CDH23: variants seen among roughly 807,000 people sequenced by gnomAD.
CDH23 encodes cadherin related 23.
A neutral mutation model predicts 317.1 loss-of-function variants in CDH23; 189 were observed. The ratio of observed to expected loss-of-function variants is 0.60; its 90% CI spans 0.53 to 0.67. CDH23 has a LOEUF of 0.67. Among genes scored for constraint, CDH23 ranks in the 30% least tolerant of loss-of-function variants. The pLI is 0.00. For missense variants in CDH23, 4,401 were observed against 4,592.4 expected (o/e 0.96, Z 1.20); for synonymous variants, 1,839 against 1,876.8 (o/e 0.98, Z 0.52).
chr10:71,621,600 G>T (rs1029664094), intron 11 of CDH23, among the ~76,000 whole-genome samples: 3 of 152,224 alleles, frequency 2.0e-5, no homozygotes, highest in Non-Finnish European at 2.9e-5. Flanking sequence ...AGTTTGTGTA[G>T]CAAGGATGAC....
intron 11 of CDH23, among the ~76,000 whole-genome samples, chr10:71,636,452 G>A (rs1862281754): frequency 6.6e-6 from 1 of 152,112 alleles, no homozygotes; most frequent in Non-Finnish European, 1.5e-5. Context: ...AGGCTGCAGT[G>A]AGCAGTGTTT....
chr10:71,769,495 T>C (rs1484302307), intron 38 of CDH23, among the ~76,000 whole-genome samples: 1 of 151,926 alleles, frequency 6.6e-6, no homozygotes, highest in Admixed American at 6.6e-5. Context: ...AAGAAAAAAA[T>C]AAGTAAATAT....
At chr10:71,550,846 G>A (rs192952972) in intron 6 of CDH23, among the ~76,000 whole-genome samples, 2 of 152,286 alleles carry the variant, frequency 1.3e-5, no homozygotes, top group East Asian at 1.9e-4. Flanking sequence ...AAGAGAAAGA[G>A]GAGTGTCCTG....
chr10:71,677,195 G>A lies in CDH23; in HGVS notation c.1515-261G>A, dbSNP rs180962971. Among the ~76,000 whole-genome samples the A allele has an allele frequency of 2.5e-4, 38 of 152,260 alleles. No individual in the cohort carries two copies. In the East Asian group the frequency reaches 6.8e-3, roughly 27 times the overall value. ...AGGAACTCCTGTTCATAGCAGGAGGGTTGTTCTGCCTGGGTTTCCTCCTTG... is the reference window on the plus strand; with the variant it reads ...AGGAACTCCTGTTCATAGCAGGAGGATTGTTCTGCCTGGGTTTCCTCCTTG... On this transcript the variant is annotated intron_variant, in intron 15 of 69. Coordinates refer to ENST00000224721, the MANE Select transcript of CDH23 (RefSeq NM_022124.6).
chr10:71,440,934 G>A (rs1024534437), intron 2 of CDH23, among the ~76,000 whole-genome samples: 1 of 152,164 alleles, frequency 6.6e-6, no homozygotes, highest in Admixed American at 6.5e-5. Context: ...CCTCGTGCTT[G>A]TTGGAGTGTT....
intron 7 of CDH23, among the ~76,000 whole-genome samples, chr10:71,567,565 A>C (rs1050180585): frequency 6.6e-6 from 1 of 152,266 alleles, no homozygotes; most frequent in Non-Finnish European, 1.5e-5. Flanking sequence ...ACAGCCCATG[A>C]GTAGTGGCGG....
At chr10:71,510,543 C>T (rs966375535) in intron 4 of CDH23, among the ~76,000 whole-genome samples, 6 of 151,892 alleles carry the variant, frequency 4.0e-5, no homozygotes, top group Non-Finnish European at 5.9e-5. Flanking sequence ...AGTAAACATT[C>T]CCCCAATATC....
chr10:71,429,030 T>G (rs1849246633), intron 1 of CDH23, among the ~76,000 whole-genome samples: 1 of 152,228 alleles, frequency 6.6e-6, no homozygotes, highest in East Asian at 1.9e-4. Flanking sequence ...GTAGGTTGCG[T>G]TTTTACTCTG....
rs552528242 is a variant in CDH23 at position 71,641,697 on chromosome 10, G to A, written c.1135-2164G>A. Among the ~76,000 whole-genome samples the A allele has an allele frequency of 4.6e-5, 7 of 152,280 alleles. No homozygotes were observed. The South Asian group carries it at 1.5e-3, about 32-fold the overall frequency. On this transcript the variant is annotated intron_variant, in intron 11 of 69. Coordinates refer to ENST00000224721, the MANE Select transcript of CDH23 (RefSeq NM_022124.6). ...CAATCTGCAGGTGATTCTGAGACAC[G>A]CTAAGGATCTAAGGATCAAGAACTC...
chr10:71,476,594 C>T (rs1851807199), intron 3 of CDH23, among the ~76,000 whole-genome samples: 1 of 152,206 alleles, frequency 6.6e-6, no homozygotes. Flanking sequence ...GGAGCACCAG[C>T]AGCTTAAGAG....
intron 14 of CDH23, among the ~76,000 whole-genome samples, chr10:71,651,826 G>A (rs1164475623): frequency 6.6e-6 from 1 of 152,186 alleles, no homozygotes; most frequent in African/African-American, 2.4e-5. Flanking sequence ...GAAACAGTTG[G>A]CAGAGGTGGT....
At chr10:71,489,597 GTGT>G (rs1564612463) in intron 3 of CDH23, among the ~76,000 whole-genome samples, 1 of 117,432 alleles carries the variant, frequency 8.5e-6, no homozygotes, top group Non-Finnish European at 1.8e-5. Flanking sequence ...GCCTCGGGGT[GTGT>G]GTGTGTGTGT....
Position 71,448,096 on chromosome 10 carries a change from C to A in CDH23, c.145+1701C>A, listed in dbSNP as rs117971125. Among the ~76,000 whole-genome samples, 17 of 152,358 alleles carry A rather than the reference C, an allele frequency of 1.1e-4. No homozygotes were observed. In the East Asian group the frequency reaches 2.9e-3, roughly 26 times the overall value. On this transcript the variant is annotated intron_variant, in intron 3 of 69. Coordinates refer to ENST00000224721, the MANE Select transcript of CDH23 (RefSeq NM_022124.6). Reference sequence around the variant, plus strand: ...TGCTGCCGGCTGGGGAAAGTGAAGGCCCCTCTCAAGTGAGTGGTCCCTGCT... The same window carrying A: ...TGCTGCCGGCTGGGGAAAGTGAAGGACCCTCTCAAGTGAGTGGTCCCTGCT...
chr10:71,771,028 G>T (rs1201972780), intron 38 of CDH23, among the ~76,000 whole-genome samples: 3 of 152,184 alleles, frequency 2.0e-5, no homozygotes, highest in Non-Finnish European at 4.4e-5. Context: ...ACAAGGCCCT[G>T]CAGCCTGGTT....
At chr10:71,689,916 A>G (rs1326491445) in intron 19 of CDH23, among the ~76,000 whole-genome samples, 1 of 152,198 alleles carries the variant, frequency 6.6e-6, no homozygotes, top group Non-Finnish European at 1.5e-5. Flanking sequence ...CTTCAGGACA[A>G]GCTGTTCTCA....
chr10:71,803,483 G>A, intron 55 of CDH23, 63 bp downstream of exon 55: 1 of 1,432,972 alleles, frequency 7.0e-7, no homozygotes, highest in South Asian at 1.2e-5. Context: ...TGGCCTAGAA[G>A]AGTGGAAGCA....
intron 11 of CDH23, among the ~76,000 whole-genome samples, chr10:71,623,156 C>T (rs945946503): frequency 2.0e-5 from 3 of 152,174 alleles, no homozygotes; most frequent in Non-Finnish European, 4.4e-5. Flanking sequence ...ATGTTCAGAA[C>T]TCTATAAACA....
rs553678036 is a variant in CDH23 at position 71,707,002 on chromosome 10, C to T, written c.3059C>T (p.Thr1020Met). The T allele has an allele frequency of 8.7e-6, 14 of 1,607,504 alleles. No individual in the cohort carries two copies. Among genetic ancestry groups the T allele is most frequent in the Admixed American group, 3.4e-5 (2 of 59,150 alleles). Residue 1020 changes from threonine (T) to methionine (M), a missense_variant, in exon 26 of 70, where the codon ACG (threonine) becomes ATG (methionine). Physicochemically the swap from Thr to Met is moderately conservative, Grantham distance 81 (BLOSUM62 -1). Transcript: ENST00000224721. The part of the protein sequence containing the change: ...REFRVVWLNC[T>M]DNDVGLNAEL... ...TTCCGGGTGGTCTGGCTGAACTGCACGGACAACGACGTGGGCCTCAATGCA... is the reference window on the plus strand; with the variant it reads ...TTCCGGGTGGTCTGGCTGAACTGCATGGACAACGACGTGGGCCTCAATGCA...
intron 1 of CDH23, among the ~76,000 whole-genome samples, chr10:71,422,550 G>C (rs371207808): frequency 6.6e-6 from 1 of 152,220 alleles, no homozygotes; most frequent in Non-Finnish European, 1.5e-5. Context: ...TGTGAAATGA[G>C]CAGCATGCTG....
Sources: gnomAD v4.1 joint callset for allele counts (sites outside exome capture counted in the v4.1 genomes callset) on GRCh38, gnomAD v4.1.1 for gene constraint, MANE v1.5 for transcripts, NCBI Gene and HGNC (gene_info 2026-07-23, HGNC 2026-07-21) for gene names.